ATP8B4: variants seen among roughly 807,000 people sequenced by gnomAD.
ATP8B4 encodes the protein probable phospholipid-transporting ATPase IM.
Under a neutral mutation model 145.6 loss-of-function variants are expected in ATP8B4, and 133 were observed. The ratio of observed to expected loss-of-function variants is 0.91; its 90% CI spans 0.79 to 1.05. The LOEUF (loss-of-function observed/expected upper bound fraction) is 1.05, where lower values mean the gene tolerates loss of function less well. Among genes scored for constraint, ATP8B4 ranks in the 50% least tolerant of loss-of-function variants. ATP8B4 has a pLI of 0.00. For synonymous variants in ATP8B4, 507 were observed against 492.9 expected (o/e 1.03, Z -0.38); for missense variants, 1,458 against 1,425.2 (o/e 1.02, Z -0.37).
intron 1 of ATP8B4, among the ~76,000 whole-genome samples, chr15:50,113,771 AG>A (rs1420392476): frequency 6.3e-5 from 9 of 143,972 alleles, no homozygotes; most frequent in African/African-American, 2.3e-4. Flanking sequence ...CCCGGGAGGC[AG>A]AGGTTGCGGT....
At chr15:50,008,754 G>C (rs1159384108) in intron 7 of ATP8B4, among the ~76,000 whole-genome samples, 2 of 152,076 alleles carry the variant, frequency 1.3e-5, no homozygotes, top group East Asian at 3.9e-4. Flanking sequence ...CTGCTTTTCT[G>C]GACCCACTCC....
intron 1 of ATP8B4, among the ~76,000 whole-genome samples, chr15:50,118,902 C>CA (rs140099050): frequency 0.056 from 8,506 of 152,130 alleles, 273 homozygotes; most frequent in African/African-American, 0.086. Context: ...TTTCAAACAA[C>CA]AAAAAAGAAA....
At chr15:50,102,268 CA>C (rs752457724) in intron 2 of ATP8B4, among the ~76,000 whole-genome samples, 5 of 148,248 alleles carry the variant, frequency 3.4e-5, no homozygotes, top group African/African-American at 5.0e-5. Flanking sequence ...GAATTTGAAA[CA>C]AAAAAAAACC....
chr15:49,961,132 C>CAAA (rs11392215), intron 14 of ATP8B4, among the ~76,000 whole-genome samples: 1 of 130,874 alleles, frequency 7.6e-6, no homozygotes, highest in Non-Finnish European at 1.7e-5. Flanking sequence ...GACTCCATCT[C>CAAA]AAAAAAAAAA....
intron 20 of ATP8B4, among the ~76,000 whole-genome samples, chr15:49,907,149 G>A (rs534998417): frequency 6.6e-6 from 1 of 152,268 alleles, no homozygotes; most frequent in East Asian, 1.9e-4. Flanking sequence ...GGAAGTGCTG[G>A]ATGCCAGCAG....
At chr15:50,117,073 CAG>C (rs112504655) in intron 1 of ATP8B4, among the ~76,000 whole-genome samples, 14,137 of 151,980 alleles carry the variant, frequency 0.093, 767 homozygotes, top group African/African-American at 0.14. Context: ...TTTGTGGAGA[CAG>C]AGTCTCGCTC....
intron 3 of ATP8B4, among the ~76,000 whole-genome samples, chr15:50,054,799 A>AC (rs2052471604): frequency 1.4e-5 from 2 of 139,462 alleles, no homozygotes; most frequent in African/African-American, 6.3e-5. Context: ...AAAAAAAAAA[A>AC]AAAAAAAAAA....
At chr15:49,996,835 T>A in intron 8 of ATP8B4, 76 bp from the exon 9 acceptor site, 1 of 1,151,068 alleles carries the variant, frequency 8.7e-7, no homozygotes, top group Admixed American at 1.9e-5. Context: ...ATCAGGTGGG[T>A]GTAGCACATG....
chr15:50,089,401 G>C (rs1360886021), intron 2 of ATP8B4, among the ~76,000 whole-genome samples: 1 of 151,986 alleles, frequency 6.6e-6, no homozygotes, highest in Non-Finnish European at 1.5e-5. Flanking sequence ...CTAACACCCA[G>C]AATCTATAAG....
chr15:50,178,268 G>A (rs2044792686), intron 1 of ATP8B4, among the ~76,000 whole-genome samples: 1 of 152,218 alleles, frequency 6.6e-6, no homozygotes, highest in South Asian at 2.1e-4. Context: ...AGTGGAATGA[G>A]GAGGCTTAAC....
At position 49,866,597 on chromosome 15, in the gene ATP8B4, G is replaced by C. The variant is rs879007341; in HGVS notation, c.3028-113C>G. ...GTGGCAGGAAGTTTGCACCTGCCTA[G>C]TTGCCAAGCCAACCGCGGGCATCCC... On this transcript the variant is annotated intron_variant, in intron 25 of 27. Coordinates refer to ENST00000284509, the MANE Select transcript of ATP8B4 (RefSeq NM_024837.4). The C allele has an allele frequency of 3.0e-6, 4 of 1,328,154 alleles. No homozygotes were observed. The South Asian group carries it at 4.1e-5, about 14-fold the overall frequency. The allele number at this position is 1,328,154 out of a possible 1,614,324, so 82.3% of individuals were successfully genotyped here.
chr15:50,172,402 C>T (rs556595121), intron 1 of ATP8B4, among the ~76,000 whole-genome samples: 9 of 152,380 alleles, frequency 5.9e-5, no homozygotes, highest in East Asian at 3.9e-4. Flanking sequence ...CCTCGGCCTC[C>T]GGAGGTGCCG....
At chr15:50,092,948 A>C (rs1331514761) in intron 2 of ATP8B4, among the ~76,000 whole-genome samples, 2 of 152,018 alleles carry the variant, frequency 1.3e-5, no homozygotes, top group African/African-American at 2.4e-5. Context: ...AAGTTTTTGA[A>C]GCAGCCACAG....
At chr15:49,940,443 T>C (rs2042077285) in intron 14 of ATP8B4, among the ~76,000 whole-genome samples, 1 of 152,128 alleles carries the variant, frequency 6.6e-6, no homozygotes, top group South Asian at 2.1e-4. Flanking sequence ...ACCTATTCAG[T>C]ACTATGTTCA....
chr15:49,919,453 T>G (rs1225554255), intron 18 of ATP8B4, among the ~76,000 whole-genome samples: 1 of 152,224 alleles, frequency 6.6e-6, no homozygotes, highest in Non-Finnish European at 1.5e-5. Flanking sequence ...AGTCTTGCTC[T>G]GTCGCCCAGG....
chr15:50,121,946 T>C (rs975588156), upstream of ATP8B4, among the ~76,000 whole-genome samples: 1 of 152,146 alleles, frequency 6.6e-6, no homozygotes, highest in African/African-American at 2.4e-5. Context: ...AAAAAAAGAA[T>C]TCTGAATTTA....
chr15:50,166,793 TA>T (rs1054994150), intron 1 of ATP8B4, among the ~76,000 whole-genome samples: 35 of 152,188 alleles, frequency 2.3e-4, no homozygotes, highest in African/African-American at 8.2e-4. Flanking sequence ...GAGAAGGAGG[TA>T]ATCACATGCC....
At chr15:50,151,635 C>T (rs1287672676) in intron 1 of ATP8B4, among the ~76,000 whole-genome samples, 3 of 151,584 alleles carry the variant, frequency 2.0e-5, no homozygotes, top group African/African-American at 7.3e-5. Flanking sequence ...CCTGTAGTCC[C>T]AGCTTCTCTA....
At chr15:50,126,732 G>A (rs1238948376) in intron 1 of ATP8B4, among the ~76,000 whole-genome samples, 1 of 152,174 alleles carries the variant, frequency 6.6e-6, no homozygotes, top group Non-Finnish European at 1.5e-5. Context: ...AGGGTGGCAG[G>A]CAATCTGATA....
Sources: allele counts gnomAD v4.1 joint callset (sites outside exome capture counted in the v4.1 genomes callset), GRCh38; gene constraint gnomAD v4.1.1; transcripts MANE v1.5; gene names NCBI Gene and HGNC (gene_info 2026-07-23, HGNC 2026-07-21).